PLXNA1: variants seen among roughly 807,000 people sequenced by gnomAD.
PLXNA1 encodes the protein plexin-A1.
In PLXNA1, 77 loss-of-function variants were observed where a neutral mutation model predicts 191.7. The observed-to-expected ratio is 0.40, with a 90% CI of 0.33 to 0.49. The LOEUF (loss-of-function observed/expected upper bound fraction) is 0.49, where lower values mean the gene tolerates loss of function less well. Ranked by LOEUF, PLXNA1 falls within the 20% of genes least tolerant of loss-of-function variation. The probability of loss-of-function intolerance (pLI) is 0.63; values close to 1 mark genes in which losing one functional copy is unlikely to be tolerated. For synonymous variants in PLXNA1, 1,137 were observed against 1,156.4 expected (o/e 0.98, Z 0.34); for missense variants, 2,110 against 2,660.2 (o/e 0.79, Z 4.55).
intron 15 of PLXNA1, 152 bp downstream of exon 15, chr3:127,015,472 C>T: frequency 9.0e-7 from 1 of 1,112,606 alleles, no homozygotes; most frequent in East Asian, 2.7e-5. Flanking sequence ...ACCATGGAAA[C>T]AGGCTACCTC....
chr3:127,011,060 C>T (rs999228946), intron 9 of PLXNA1, among the ~76,000 whole-genome samples: 17 of 152,348 alleles, frequency 1.1e-4, no homozygotes, highest in Middle Eastern at 3.4e-3. Flanking sequence ...CCTCAGCATG[C>T]AGAGTCACTG....
At chr3:127,031,587 C>T (rs571042248) in intron 29 of PLXNA1, among the ~76,000 whole-genome samples, 14 of 152,340 alleles carry the variant, frequency 9.2e-5, no homozygotes, top group African/African-American at 2.2e-4. Context: ...CAGCCACCCC[C>T]GACTTGGTCT....
chr3:127,014,001 C>T lies in PLXNA1; in HGVS notation c.2314-19C>T, dbSNP rs555943013. ...GAGGCCGCTTAGCTGGGAAGCCTGA[C>T]GGTGCCATCACCTAACAGTACTCCT... On this transcript the variant is annotated intron_variant, in intron 10 of 31. Transcript: ENST00000393409. 6.4e-5 allele frequency: 103 copies of T among 1,607,978 alleles called. No individual in the cohort carries two copies. The highest frequency in any genetic ancestry group is 2.0e-4 in the Admixed American group (12 of 59,974).
At chr3:126,986,392 G>A (rs1461223889) in intron 1 of PLXNA1, among the ~76,000 whole-genome samples, 1 of 152,202 alleles carries the variant, frequency 6.6e-6, no homozygotes, top group Non-Finnish European at 1.5e-5. Context: ...TCCTGCTCTG[G>A]GATTCCAGCC....
intron 8 of PLXNA1, among the ~76,000 whole-genome samples, chr3:127,007,099 G>T (rs1271237963): frequency 6.6e-6 from 1 of 152,220 alleles, no homozygotes; most frequent in East Asian, 1.9e-4. Flanking sequence ...GATCTCTGGG[G>T]CAGAGGCCTG....
chr3:127,006,178 C>G lies in PLXNA1; in HGVS notation c.1997C>G (p.Ser666Cys). Residue 666 changes from serine to cysteine, a missense_variant and splice_region_variant, in exon 8 of 32, where the codon TCC becomes TGC. Physicochemically the swap from Ser to Cys is moderately radical, Grantham distance 112 (BLOSUM62 -1). Coordinates refer to ENST00000393409, the MANE Select transcript of PLXNA1 (RefSeq NM_032242.4). ...TTCTACAACTGCAGCGTCCACCAGTCGTGAGTGTCTCTAGGCCCCTCCGCC... is the reference window on the plus strand; with the variant it reads ...TTCTACAACTGCAGCGTCCACCAGTGGTGAGTGTCTCTAGGCCCCTCCGCC... ...FVFYNCSVHQ[S>C]CLSCVNGSFP... 6.2e-7 allele frequency: 1 copy of G among 1,612,054 alleles called. No individual in the cohort carries two copies. The highest frequency in any genetic ancestry group is 8.5e-7 in the Non-Finnish European group (1 of 1,178,638).
At chr3:127,030,438 G>T (rs762719080) in intron 29 of PLXNA1, 26 bp downstream of exon 29, 6 of 1,610,644 alleles carry the variant, frequency 3.7e-6, no homozygotes, top group Non-Finnish European at 5.1e-6. Context: ...GGGAGGAGGG[G>T]CATCCCCCAG....
chr3:127,026,389 C>T (rs1356304144), intron 23 of PLXNA1: 1 of 152,192 alleles, frequency 6.6e-6, no homozygotes, highest in Non-Finnish European at 1.5e-5. Context: ...TCTCCAGTTT[C>T]TTGCTGTGTG....
intron 1 of PLXNA1, among the ~76,000 whole-genome samples, chr3:126,986,497 A>C (rs1173759088): frequency 6.6e-6 from 1 of 152,196 alleles, no homozygotes; most frequent in Non-Finnish European, 1.5e-5. Context: ...GGAGTGAAAC[A>C]GGAGTGAAGA....
At chr3:127,008,789 G>A (rs780559678) in intron 9 of PLXNA1, among the ~76,000 whole-genome samples, 1 of 151,996 alleles carries the variant, frequency 6.6e-6, no homozygotes, top group African/African-American at 2.4e-5. Context: ...CTCTCCTCTG[G>A]GTCCCTTCTC....
At position 127,016,574 on chromosome 3, in the gene PLXNA1, T is replaced by G. The variant is rs759568557; in HGVS notation, c.3072T>G (p.Ala1024=). The G allele has an allele frequency of 6.2e-7, 1 of 1,613,790 alleles. No homozygotes were observed. The highest frequency in any genetic ancestry group is 8.5e-7 in the Non-Finnish European group (1 of 1,179,928). ...CCCCCGGGCAGAGCCCTGGCAGCGC[T>G]CCCATCATCATCAACATCAACCGCG... ...LTPPGQSPGS[A]PIIININRAQ... The change falls in exon 16 of 32, where the codon GCT becomes GCG. Residue 1024 remains alanine (A), a synonymous_variant. Transcript: ENST00000393409.
In PLXNA1 at chr3:127,015,192, C is replaced by T. The variant is rs537811469; in HGVS notation, c.2886C>T (p.Thr962=). The T allele has an allele frequency of 1.4e-5, 22 of 1,612,334 alleles. No homozygotes were observed. In the East Asian group the frequency reaches 4.2e-4, roughly 31 times the overall value. The part of the protein sequence containing the change: ...SPKRFTFVTP[T]FYRVSPSRGP... Reference sequence around the variant, plus strand: ...GTTCCCTCTTCCTGCAGACACCAACCTTCTACCGTGTGAGCCCCTCCCGTG... The same window carrying T: ...GTTCCCTCTTCCTGCAGACACCAACTTTCTACCGTGTGAGCCCCTCCCGTG... Residue 962 remains threonine, a synonymous_variant, in exon 15 of 32, where the codon ACC becomes ACT. Coordinates refer to ENST00000393409, the MANE Select transcript of PLXNA1 (RefSeq NM_032242.4).
intron 20 of PLXNA1, 92 bp downstream of exon 20, chr3:127,018,620 C>T: frequency 1.1e-6 from 1 of 944,138 alleles, no homozygotes; most frequent in Admixed American, 2.2e-5. Flanking sequence ...CCGCCCCCAC[C>T]CTGCTTCAGC....
chr3:127,015,152 T>A, intron 14 of PLXNA1, 32 bp from the exon 15 acceptor site: 1 of 1,593,102 alleles, frequency 6.3e-7, no homozygotes, highest in Non-Finnish European at 8.6e-7. Flanking sequence ...GGGACTTTCC[T>A]GAGAGTTTCA....
At position 127,032,807 on chromosome 3, in the gene PLXNA1, T is replaced by C; in HGVS notation, c.5566T>C (p.Tyr1856His). ...FNSMSALHEI[Y>H]SYITKYKDEI... ...CAGCATGAGCGCCTTGCACGAGATC[T>C]ACTCCTACATCACCAAGTACAAGGA... Residue 1856 changes from tyrosine (Y) to histidine (H), a missense_variant, in exon 31 of 32, where the codon TAC becomes CAC. Coordinates refer to ENST00000393409, the MANE Select transcript of PLXNA1 (RefSeq NM_032242.4). The C allele has an allele frequency of 6.2e-7, 1 of 1,613,296 alleles. No homozygotes were observed. Among genetic ancestry groups the C allele is most frequent in the Non-Finnish European group, 8.5e-7 (1 of 1,180,014 alleles).
At chr3:127,011,419 C>G (rs111906942) in intron 9 of PLXNA1, among the ~76,000 whole-genome samples, 4 of 152,210 alleles carry the variant, frequency 2.6e-5, no homozygotes, top group Non-Finnish European at 4.4e-5. Context: ...TGTTGCAGGG[C>G]TTGGGGATTA....
rs2078938455 is a variant in PLXNA1, at chr3:126,983,122, C to T, written c.-239C>T. The stretch of plus-strand genomic sequence containing the variant: ...CGCGGCGCTCGGCGCCCCATTCATG[C>T]TGGGCATCGGCTGCGCGGCCACGCA... On this transcript the variant is annotated 5_prime_UTR_variant, in exon 1 of 32. Transcript: ENST00000393409. Among the ~76,000 whole-genome samples the T allele has an allele frequency of 2.7e-5, 4 of 145,650 alleles. No individual in the cohort carries two copies. In the South Asian group the frequency reaches 8.4e-4, roughly 30 times the overall value.
intron 1 of PLXNA1, among the ~76,000 whole-genome samples, chr3:126,987,208 C>T (rs1277390345): frequency 2.0e-5 from 3 of 152,216 alleles, no homozygotes; most frequent in Non-Finnish European, 4.4e-5. Flanking sequence ...GGGAGTGTCC[C>T]CATCAGAGTC....
At position 127,014,251 on chromosome 3, in the gene PLXNA1, A is replaced by G. The variant is rs1472117435; in HGVS notation, c.2480A>G (p.Glu827Gly). The change falls in exon 12 of 32, where the codon GAG (glutamate) becomes GGG (glycine). Residue 827 changes from glutamate (E) to glycine (G), a missense_variant. By Grantham distance (98) the Glu-to-Gly change is moderately conservative. Coordinates refer to ENST00000393409, the MANE Select transcript of PLXNA1 (RefSeq NM_032242.4). The stretch of plus-strand genomic sequence containing the variant: ...TGCCTCAAGGCCGACCCGCGCTTCG[A>G]GTGCGGATGGTGCGTGGCCGAGCGC... ...GLCLKADPRFECGWCVAERRC... is the reference protein window; with the variant it reads ...GLCLKADPRFGCGWCVAERRC... 3 of 1,602,006 alleles carry G rather than the reference A, an allele frequency of 1.9e-6. No homozygotes were observed. The highest frequency in any genetic ancestry group is 2.6e-6 in the Non-Finnish European group (3 of 1,175,024).
Sources: allele counts gnomAD v4.1 joint callset (sites outside exome capture counted in the v4.1 genomes callset), GRCh38; gene constraint gnomAD v4.1.1; transcripts MANE v1.5; gene names NCBI Gene and HGNC (gene_info 2026-07-23, HGNC 2026-07-21).